Variants in KIAA1958 observed in about 807,000 individuals in gnomAD.
KIAA1958 encodes uncharacterized protein KIAA1958.
KIAA1958 carries 14 observed loss-of-function variants against 47.2 expected under a neutral mutation model. The ratio of observed to expected loss-of-function variants is 0.30; its 90% CI spans 0.20 to 0.46. The LOEUF is 0.46. Among genes scored for constraint, KIAA1958 ranks in the 20% least tolerant of loss-of-function variants. The pLI is 1.00. For missense variants in KIAA1958, 803 were observed against 909.2 expected, an observed-to-expected ratio of 0.88 and a Z score of 1.50; for synonymous variants, 354 against 353.3, an observed-to-expected ratio of 1.00 and a Z score of -0.02.
chr9:112,607,705 A>G (rs973691027), intron 2 of KIAA1958, among the ~76,000 whole-genome samples: 1 of 133,328 alleles, frequency 7.5e-6, no homozygotes, highest in Admixed American at 8.9e-5. Context: ...TAGTAAAGTT[A>G]TTGCCCCTCA....
rs1837324109 is a variant in KIAA1958 at position 112,664,408 on chromosome 9, T to TA, written c.*4344dup. 6.6e-6 allele frequency: 1 copy of TA among 152,232 alleles called. No individual in the cohort carries two copies. The highest frequency in any genetic ancestry group is 6.5e-5 in the Admixed American group (1 of 15,286). 9.4% of individuals were successfully genotyped at this position (152,232 alleles called of 1,614,324 possible). A position where few individuals can be genotyped will look rare whatever the true frequency, so the allele number is the denominator to read the frequency against. ...GTTGCTTTTATGAGATGTAGATTGC[T>TA]AAAAACTTTTGAGCTAGTAGACGTT... On this transcript the variant is annotated 3_prime_UTR_variant, in exon 4 of 4. Transcript: ENST00000337530.
rs999475042 is a variant in KIAA1958, at chr9:112,591,235, C to A, written c.1171+15984C>A. ...AGTAGCTGGGACTACAGGTGCCCACCACCACGCCCGGCTAATTTTTTTGTA... is the reference window on the plus strand; with the variant it reads ...AGTAGCTGGGACTACAGGTGCCCACAACCACGCCCGGCTAATTTTTTTGTA... On this transcript the variant is annotated intron_variant, in intron 2 of 3. Coordinates refer to ENST00000337530, the MANE Select transcript of KIAA1958 (RefSeq NM_133465.4). Among the ~76,000 whole-genome samples the A allele has an allele frequency of 2.0e-5, 3 of 152,158 alleles. 1 individual carries two copies. In the South Asian group the frequency reaches 6.2e-4, roughly 32 times the overall value.
chr9:112,538,635 T>C (rs1302491374), intron 1 of KIAA1958, among the ~76,000 whole-genome samples: 1 of 152,118 alleles, frequency 6.6e-6, no homozygotes, highest in African/African-American at 2.4e-5. Context: ...GCATCAAGTA[T>C]CATATCAGGC....
chr9:112,515,892 ATT>A (rs1491338173), intron 1 of KIAA1958, among the ~76,000 whole-genome samples: 12 of 47,720 alleles, frequency 2.5e-4, no homozygotes, highest in East Asian at 3.9e-4. Flanking sequence ...AAAAAAATAA[ATT>A]AAAAAAAAAA....
At chr9:112,625,750 T>A (rs1293153624) in intron 2 of KIAA1958, among the ~76,000 whole-genome samples, 1 of 152,234 alleles carries the variant, frequency 6.6e-6, no homozygotes, top group Non-Finnish European at 1.5e-5. Context: ...CTTTTCATTG[T>A]GTTGTGTTAC....
chr9:112,541,156 C>G (rs1460917580), intron 1 of KIAA1958, among the ~76,000 whole-genome samples: 1 of 152,010 alleles, frequency 6.6e-6, no homozygotes, highest in East Asian at 1.9e-4. Flanking sequence ...TGGCTTATTG[C>G]ATAGGTTAGA....
chr9:112,537,145 G>A (rs567738937), intron 1 of KIAA1958, among the ~76,000 whole-genome samples: 14 of 145,196 alleles, frequency 9.6e-5, no homozygotes, highest in African/African-American at 2.6e-4. Flanking sequence ...TCCCTTTGTC[G>A]CCCAGGCTGG....
chr9:112,537,476 A>C (rs1834876159), intron 1 of KIAA1958, among the ~76,000 whole-genome samples: 2 of 152,254 alleles, frequency 1.3e-5, no homozygotes, highest in African/African-American at 4.8e-5. Flanking sequence ...ATAAATCAGT[A>C]AGGCTAAGAT....
intron 1 of KIAA1958, among the ~76,000 whole-genome samples, chr9:112,529,835 C>T (rs902513604): frequency 1.2e-5 from 1 of 82,756 alleles, no homozygotes; most frequent in Non-Finnish European, 2.3e-5. Context: ...AAGTTAGACT[C>T]CTCTTACTTT....
In KIAA1958 at chr9:112,666,083, T is replaced by A. The variant is rs1837348124; in HGVS notation, c.*6014T>A. ...GCCTCCTGGGTTCAAGCCATCCTCCTGCCTCAGTCTCCCAAGTAGCTGGGA... is the reference window on the plus strand; with the variant it reads ...GCCTCCTGGGTTCAAGCCATCCTCCAGCCTCAGTCTCCCAAGTAGCTGGGA... On this transcript the variant is annotated 3_prime_UTR_variant, in exon 4 of 4. Transcript: ENST00000337530. 1 of 151,932 alleles carries A rather than the reference T, an allele frequency of 6.6e-6. No individual in the cohort carries two copies. The highest frequency in any genetic ancestry group is 1.5e-5 in the Non-Finnish European group (1 of 67,980). 9.4% of individuals were successfully genotyped at this position (151,932 alleles called of 1,614,324 possible).
chr9:112,647,282 T>A (rs2131244577), intron 3 of KIAA1958, among the ~76,000 whole-genome samples: 1 of 152,240 alleles, frequency 6.6e-6, no homozygotes, highest in South Asian at 2.1e-4. Flanking sequence ...GATGAGCTGA[T>A]GAATCCTTGA....
intron 1 of KIAA1958, among the ~76,000 whole-genome samples, chr9:112,487,852 C>T (rs1833891150): frequency 3.3e-5 from 1 of 29,928 alleles, no homozygotes; most frequent in South Asian, 1.8e-3. Context: ...TTGGTTCCTT[C>T]AAGTCTTTTT....
At chr9:112,607,694 C>T (rs923250841) in intron 2 of KIAA1958, among the ~76,000 whole-genome samples, 2 of 136,038 alleles carry the variant, frequency 1.5e-5, no homozygotes, top group African/African-American at 2.8e-5. Flanking sequence ...GAGACATTTC[C>T]TAGTAAAGTT....
intron 2 of KIAA1958, among the ~76,000 whole-genome samples, chr9:112,581,467 G>A (rs373524356): frequency 8.1e-4 from 123 of 152,274 alleles, no homozygotes; most frequent in African/African-American, 2.8e-3. Flanking sequence ...TTACCTGGGA[G>A]CACATTAGAA....
chr9:112,624,551 T>C (rs185188420), intron 2 of KIAA1958, among the ~76,000 whole-genome samples: 51 of 152,328 alleles, frequency 3.3e-4, no homozygotes, highest in Non-Finnish European at 6.9e-4. Context: ...GAAGAGATGA[T>C]ATTGATGGAG....
intron 2 of KIAA1958, among the ~76,000 whole-genome samples, chr9:112,590,461 C>G (rs1255793143): frequency 6.6e-6 from 1 of 151,796 alleles, no homozygotes; most frequent in Non-Finnish European, 1.5e-5. Flanking sequence ...AAGTGATTCT[C>G]CTGCCTCAGC....
chr9:112,659,613 G>C lies in KIAA1958; in HGVS notation c.1695G>C (p.Gln565His). The change falls in exon 4 of 4, where the codon CAG becomes CAC. Residue 565 changes from glutamine to histidine, a missense_variant. Gln to His is a conservative substitution (Grantham distance 24, BLOSUM62 0). Coordinates refer to ENST00000337530, the MANE Select transcript of KIAA1958 (RefSeq NM_133465.4). ...LLSTVVKYNS[Q>H]YLNMRTLQEH... ...CCACTGTGGTCAAGTACAACAGCCA[G>C]TACCTGAACATGCGGACGCTGCAGG... is the stretch of plus-strand genomic sequence containing the variant. 1 of 1,614,102 alleles carries C rather than the reference G, an allele frequency of 6.2e-7. No individual in the cohort carries two copies. The highest frequency in any genetic ancestry group is 8.5e-7 in the Non-Finnish European group (1 of 1,179,992).
At chr9:112,546,774 ACT>A in intron 1 of KIAA1958, among the ~76,000 whole-genome samples, 1 of 151,766 alleles carries the variant, frequency 6.6e-6, no homozygotes, top group East Asian at 1.9e-4. Context: ...GAATACTCTC[ACT>A]CTCTCTGCCC....
chr9:112,565,272 G>GT (rs1349590456), intron 1 of KIAA1958, among the ~76,000 whole-genome samples: 6 of 152,110 alleles, frequency 3.9e-5, no homozygotes, highest in African/African-American at 1.2e-4. Context: ...AAGGTTTTTT[G>GT]TTTTTTGTTT....
Sources: gnomAD v4.1 joint callset for allele counts (sites outside exome capture counted in the v4.1 genomes callset) on GRCh38, gnomAD v4.1.1 for gene constraint, MANE v1.5 for transcripts, NCBI Gene and HGNC (gene_info 2026-07-23, HGNC 2026-07-21) for gene names.